The following CELF5 variants were observed in gnomAD, a reference collection of about 807,000 sequenced individuals.
CELF5 encodes CUG-BP and ETR-3 like factor 5.
A neutral mutation model predicts 54.9 loss-of-function variants in CELF5; 6 were observed. The observed-to-expected ratio is 0.11, with a 90% CI of 0.06 to 0.22. The LOEUF (loss-of-function observed/expected upper bound fraction) is 0.22. Ranked by LOEUF, CELF5 falls within the 10% of genes least tolerant of loss-of-function variation. CELF5 has a pLI of 1.00. For synonymous variants in CELF5, 271 were observed against 290.9 expected, an observed-to-expected ratio of 0.93 and a Z score of 0.70; for missense variants, 401 against 678.6, an observed-to-expected ratio of 0.59 and a Z score of 4.54.
intron 2 of CELF5, among the ~76,000 whole-genome samples, chr19:3,273,637 G>T (rs1307341282): frequency 6.6e-6 from 1 of 152,216 alleles, no homozygotes; most frequent in Non-Finnish European, 1.5e-5. Flanking sequence ...AAGCAAGGAG[G>T]CTTCCTGGAG....
intron 1 of CELF5, among the ~76,000 whole-genome samples, chr19:3,233,888 C>T (rs1461412273): frequency 6.6e-6 from 1 of 152,110 alleles, no homozygotes; most frequent in African/African-American, 2.4e-5. Flanking sequence ...CACAGAAGGC[C>T]CTAGAATGTG....
chr19:3,231,325 A>G (rs907789767), intron 1 of CELF5, among the ~76,000 whole-genome samples: 1 of 152,222 alleles, frequency 6.6e-6, no homozygotes, highest in East Asian at 1.9e-4. Flanking sequence ...TATGTGAATC[A>G]ATGGATACAG....
chr19:3,275,994 G>T lies in CELF5; in HGVS notation c.523+10G>T, dbSNP rs977696668. 6.2e-7 allele frequency: 1 copy of T among 1,602,812 alleles called. No homozygotes were observed. Among genetic ancestry groups the T allele is most frequent in the East Asian group, 2.2e-5 (1 of 44,464 alleles). Reference sequence around the variant, plus strand: ...GACGGCAGCAGCAAAGGTGACTGGCGGGGGCCGGGGCGGGACTGCGAGAGG... The same window carrying T: ...GACGGCAGCAGCAAAGGTGACTGGCTGGGGCCGGGGCGGGACTGCGAGAGG... On this transcript the variant is annotated intron_variant, in intron 4 of 12. Coordinates refer to ENST00000292672, the MANE Select transcript of CELF5 (RefSeq NM_021938.4). This position sits in a 1 kb window ranked among gnomAD's most constrained non-coding sequence, Gnocchi z 6.7.
At chr19:3,269,191 T>A (rs980058142) in intron 2 of CELF5, among the ~76,000 whole-genome samples, 1 of 152,164 alleles carries the variant, frequency 6.6e-6, no homozygotes, top group African/African-American at 2.4e-5. Context: ...AATCTCTTTT[T>A]TGAGACGGAG....
chr19:3,288,128 C>T (rs1023376052), intron 10 of CELF5, among the ~76,000 whole-genome samples: 1 of 152,144 alleles, frequency 6.6e-6, no homozygotes, highest in East Asian at 1.9e-4. Flanking sequence ...TTTCAGCGGT[C>T]GCCCACAGTT....
chr19:3,277,095 A>G (rs965392106), intron 4 of CELF5, among the ~76,000 whole-genome samples: 8 of 152,160 alleles, frequency 5.3e-5, no homozygotes, highest in Admixed American at 2.6e-4. Context: ...AGAGCTCATC[A>G]TGTGGGACCG....
At chr19:3,264,016 G>A (rs535473800) in intron 2 of CELF5, among the ~76,000 whole-genome samples, 128 of 152,194 alleles carry the variant, frequency 8.4e-4, no homozygotes, top group Non-Finnish European at 1.4e-3. Flanking sequence ...CTACCCAGCC[G>A]GTCCTCTGGA....
chr19:3,295,432 C>G (rs181244054), intron 12 of CELF5: 15 of 152,234 alleles, frequency 9.9e-5, no homozygotes, highest in Admixed American at 9.8e-4. Context: ...CCAAACTTTT[C>G]CGACTTCCTT....
chr19:3,243,783 C>T (rs978055563), intron 1 of CELF5, among the ~76,000 whole-genome samples: 2 of 152,076 alleles, frequency 1.3e-5, no homozygotes, highest in African/African-American at 4.8e-5. Flanking sequence ...GCGTTTATTC[C>T]AGGCCGTTCC....
In CELF5 at chr19:3,282,082, T is replaced by A. The variant is rs1307856329; in HGVS notation, c.751-44T>A. 3.1e-6 allele frequency: 5 copies of A among 1,611,570 alleles called. No individual in the cohort carries two copies. In the African/African-American group the frequency reaches 6.7e-5, roughly 22 times the overall value. ...AAGCCTCCCCTCATAAGCCATGATC[T>A]CAGGGCAGATATCACCCCAACTGTG... On this transcript the variant is annotated intron_variant, in intron 6 of 12. Transcript: ENST00000292672. This position sits in a 1 kb window ranked among gnomAD's most constrained non-coding sequence, Gnocchi z 5.2.
At chr19:3,242,001 C>G (rs2079497901) in intron 1 of CELF5, among the ~76,000 whole-genome samples, 1 of 152,152 alleles carries the variant, frequency 6.6e-6, no homozygotes, top group South Asian at 2.1e-4. Context: ...TCTCAAACTC[C>G]TGACCTCAGG....
intron 1 of CELF5, among the ~76,000 whole-genome samples, chr19:3,244,321 A>G (rs2079530485): frequency 6.6e-6 from 1 of 151,286 alleles, no homozygotes; most frequent in Admixed American, 6.6e-5. Context: ...TGCGTAGTGT[A>G]TATGGTGTGC....
chr19:3,227,100 G>A (rs985132726), intron 1 of CELF5, among the ~76,000 whole-genome samples: 8 of 152,264 alleles, frequency 5.3e-5, no homozygotes, highest in Admixed American at 5.2e-4. Context: ...GCTTCACCTC[G>A]TGTCGAAAAT....
At chr19:3,243,757 C>T (rs983166428) in intron 1 of CELF5, among the ~76,000 whole-genome samples, 80 of 152,146 alleles carry the variant, frequency 5.3e-4, no homozygotes, top group African/African-American at 1.9e-3. Context: ...CTGGTTCCTT[C>T]TGAGGCTGTG....
chr19:3,286,065 C>G (rs1165965803), intron 10 of CELF5, 40 bp downstream of exon 10: 2 of 1,485,390 alleles, frequency 1.3e-6, no homozygotes, highest in Non-Finnish European at 1.8e-6. Context: ...CAGCCCCGCC[C>G]TCTGCCCGCC....
chr19:3,240,620 G>A (rs369976533), intron 1 of CELF5, among the ~76,000 whole-genome samples: 1 of 151,904 alleles, frequency 6.6e-6, no homozygotes, highest in Admixed American at 6.6e-5. Context: ...GAGCCACTGC[G>A]CCCGGCCCTA....
At chr19:3,232,540 T>C (rs1483943956) in intron 1 of CELF5, among the ~76,000 whole-genome samples, 1 of 151,980 alleles carries the variant, frequency 6.6e-6, no homozygotes, top group African/African-American at 2.4e-5. Context: ...TGAGGCCCTT[T>C]ACAGAGTGAG....
At chr19:3,251,667 TTTTTTTTG>T (rs1318426941) in intron 2 of CELF5, among the ~76,000 whole-genome samples, 1 of 136,974 alleles carries the variant, frequency 7.3e-6, no homozygotes, top group Non-Finnish European at 1.6e-5. Context: ...TTTTTTTTTT[TTTTTTTTG>T]TTGTTGTTGT....
At position 3,281,375 on chromosome 19, in the gene CELF5, C is replaced by A; in HGVS notation, c.750+30C>A. ...GTGACCCAGTGACAGCTTCGGGGCT[C>A]CGGCTCCGTCTCTCTCAGTCTCTGT... is the stretch of plus-strand genomic sequence containing the variant. On this transcript the variant is annotated intron_variant, in intron 6 of 12. Coordinates refer to ENST00000292672, the MANE Select transcript of CELF5 (RefSeq NM_021938.4). This position sits in a 1 kb window ranked among gnomAD's most constrained non-coding sequence, Gnocchi z 6.5. 6.3e-7 allele frequency: 1 copy of A among 1,580,734 alleles called. No homozygotes were observed. Among genetic ancestry groups the A allele is most frequent in the South Asian group, 1.1e-5 (1 of 90,128 alleles).
Sources: allele counts gnomAD v4.1 joint callset (sites outside exome capture counted in the v4.1 genomes callset), GRCh38; gene constraint gnomAD v4.1.1; non-coding constraint Gnocchi (gnomAD v3.1); transcripts MANE v1.5; gene names NCBI Gene and HGNC (gene_info 2026-07-23, HGNC 2026-07-21).